SERINC5: variants seen among roughly 807,000 people sequenced by gnomAD.
SERINC5 encodes the protein chromosome 5 open reading frame 12.
SERINC5 carries 41 observed loss-of-function variants against 63.1 expected under a neutral mutation model. That is an observed-to-expected ratio of 0.65 (90% CI 0.51 to 0.84). SERINC5 has a LOEUF of 0.84. Among genes scored for constraint, SERINC5 ranks in the 40% least tolerant of loss-of-function variants. The probability of loss-of-function intolerance (pLI) is 0.00; values close to 1 mark genes in which losing one functional copy is unlikely to be tolerated. For missense variants in SERINC5, 523 were observed against 573.0 expected, an observed-to-expected ratio of 0.91 and a Z score of 0.89; for synonymous variants, 222 against 215.2, an observed-to-expected ratio of 1.03 and a Z score of -0.28.
In SERINC5 at chr5:80,209,746, T is replaced by C. The variant is rs1750343217; in HGVS notation, c.28-6693A>G. 2.0e-5 allele frequency among the ~76,000 whole-genome samples: 3 copies of C among 152,044 alleles called. No individual in the cohort carries two copies. The South Asian group carries it at 6.2e-4, about 32-fold the overall frequency. On this transcript the variant is annotated intron_variant, in intron 1 of 11. Transcript: ENST00000507668. ...TTAAAAAATGAAGAAAACTGACTAC[T>C]TGAGAAAAGTAAACGGCGCGTGGTG...
At chr5:80,167,491 A>C (rs1018031420) in intron 6 of SERINC5, among the ~76,000 whole-genome samples, 19 of 152,236 alleles carry the variant, frequency 1.2e-4, no homozygotes, top group African/African-American at 4.6e-4. Flanking sequence ...TCAATCTACC[A>C]TTGACGGGCA....
downstream of SERINC5, among the ~76,000 whole-genome samples, chr5:80,138,321 C>T (rs1193002827): frequency 1.3e-5 from 2 of 152,034 alleles, no homozygotes; most frequent in East Asian, 3.9e-4. Context: ...GTAGGCCGGG[C>T]ACGGTGGCTC....
chr5:80,208,451 G>A (rs1330456501), intron 1 of SERINC5, among the ~76,000 whole-genome samples: 3 of 151,260 alleles, frequency 2.0e-5, no homozygotes, highest in East Asian at 3.9e-4. Context: ...CCCCCCAAAC[G>A]ACTCAGTAAA....
Position 80,161,116 on chromosome 5 carries a change from G to A in SERINC5, c.860-2154C>T, listed in dbSNP as rs1047983827. Among the ~76,000 whole-genome samples the A allele has an allele frequency of 3.3e-5, 5 of 151,778 alleles. No homozygotes were observed. In the East Asian group the frequency reaches 9.7e-4, roughly 29 times the overall value. On this transcript the variant is annotated intron_variant, in intron 7 of 11. Transcript: ENST00000507668. ...ATCATCTGTTGATGGACACTTAAAG[G>A]TGATTCCTTATCTTTGCTATTGTGA...
Position 80,160,295 on chromosome 5 carries a change from T to C in SERINC5, c.860-1333A>G, listed in dbSNP as rs1232170175. 2.0e-5 allele frequency among the ~76,000 whole-genome samples: 3 copies of C among 152,164 alleles called. No individual in the cohort carries two copies. The East Asian group carries it at 5.8e-4, about 29-fold the overall frequency. ...TGTGAAACAGTAAGAAAAACTGAGT[T>C]ATTCTAAACACTACGTAACAAAGAT... On this transcript the variant is annotated intron_variant, in intron 7 of 11. Coordinates refer to ENST00000507668, the MANE Select transcript of SERINC5 (RefSeq NM_001174072.3).
intron 7 of SERINC5, among the ~76,000 whole-genome samples, chr5:80,159,327 G>C (rs373808886): frequency 1.3e-5 from 2 of 152,146 alleles, no homozygotes; most frequent in Non-Finnish European, 2.9e-5. Flanking sequence ...GTGCTGAGGT[G>C]AATCAACAGC....
At chr5:80,197,876 T>C (rs1006344076) in intron 2 of SERINC5, among the ~76,000 whole-genome samples, 1 of 152,168 alleles carries the variant, frequency 6.6e-6, no homozygotes, top group African/African-American at 2.4e-5. Context: ...AGTGTCACTC[T>C]GTCGCCAGGC....
intron 1 of SERINC5, among the ~76,000 whole-genome samples, chr5:80,223,055 C>T (rs755068292): frequency 6.6e-6 from 1 of 152,150 alleles, no homozygotes; most frequent in Non-Finnish European, 1.5e-5. Context: ...TGAGGTCTCA[C>T]TATGTTGCCC....
At chr5:80,191,479 C>CA (rs1167390197) in intron 2 of SERINC5, among the ~76,000 whole-genome samples, 1,052 of 38,456 alleles carry the variant, frequency 0.027, 22 homozygotes, top group African/African-American at 0.065. Flanking sequence ...TCCATCTCTA[C>CA]AAAAAAAAAA....
intron 11 of SERINC5, among the ~76,000 whole-genome samples, chr5:80,124,615 C>T (rs1744672688): frequency 6.6e-6 from 1 of 152,134 alleles, no homozygotes; most frequent in Non-Finnish European, 1.5e-5. Flanking sequence ...ACCCTAGAGC[C>T]GGAGTCTGGA....
At chr5:80,131,094 T>C (rs901166234) in intron 11 of SERINC5, among the ~76,000 whole-genome samples, 11 of 152,302 alleles carry the variant, frequency 7.2e-5, no homozygotes, top group African/African-American at 2.4e-4. Context: ...GTGACTGATA[T>C]GGTTTGGCTG....
At chr5:80,128,708 T>C (rs1383407419) in intron 11 of SERINC5, among the ~76,000 whole-genome samples, 3 of 152,194 alleles carry the variant, frequency 2.0e-5, no homozygotes, top group Admixed American at 6.6e-5. Context: ...CATAGGATCA[T>C]TGTGAGAATT....
intron 1 of SERINC5, among the ~76,000 whole-genome samples, chr5:80,254,554 G>A (rs976228028): frequency 1.3e-5 from 2 of 152,170 alleles, no homozygotes; most frequent in African/African-American, 2.4e-5. Flanking sequence ...TCATTACTAC[G>A]TAATAAAAAG....
At chr5:80,236,468 A>T (rs1458934266) in intron 1 of SERINC5, among the ~76,000 whole-genome samples, 1 of 152,172 alleles carries the variant, frequency 6.6e-6, no homozygotes, top group Admixed American at 6.5e-5. Context: ...AATTCTCAGT[A>T]GAAAGCAGGT....
chr5:80,215,563 T>C (rs943415082), intron 1 of SERINC5, among the ~76,000 whole-genome samples: 2 of 152,220 alleles, frequency 1.3e-5, no homozygotes, highest in African/African-American at 4.8e-5. Context: ...AGTTCCTTTA[T>C]CTGGGTTTCT....
chr5:80,215,480 A>G (rs1750621183), intron 1 of SERINC5, among the ~76,000 whole-genome samples: 1 of 152,218 alleles, frequency 6.6e-6, no homozygotes, highest in Non-Finnish European at 1.5e-5. Context: ...AGAACAGATT[A>G]ATACGGCTAC....
intron 1 of SERINC5, among the ~76,000 whole-genome samples, chr5:80,226,300 C>A (rs1457127802): frequency 6.6e-6 from 1 of 152,120 alleles, no homozygotes; most frequent in Non-Finnish European, 1.5e-5. Context: ...AAAAATAACC[C>A]TTTGATAGAA....
chr5:80,202,670 A>G (rs1749916139), intron 2 of SERINC5, among the ~76,000 whole-genome samples: 1 of 152,214 alleles, frequency 6.6e-6, no homozygotes, highest in African/African-American at 2.4e-5. Flanking sequence ...TAGAATCTAC[A>G]CTACTACTAA....
intron 11 of SERINC5, among the ~76,000 whole-genome samples, chr5:80,124,252 T>C (rs1365767077): frequency 1.3e-5 from 2 of 152,172 alleles, no homozygotes; most frequent in Admixed American, 6.5e-5. Context: ...GAAAGCCAAA[T>C]GGGCACCCCC....
Sources: allele counts gnomAD v4.1 joint callset (sites outside exome capture counted in the v4.1 genomes callset), GRCh38; gene constraint gnomAD v4.1.1; transcripts MANE v1.5; gene names NCBI Gene and HGNC (gene_info 2026-07-23, HGNC 2026-07-21).